The following CDH18 variants were observed in gnomAD, a reference collection of about 807,000 sequenced individuals.
The protein encoded by CDH18 is cadherin 18.
A neutral mutation model predicts 67.9 loss-of-function variants in CDH18; 31 were observed. That is an observed-to-expected ratio of 0.46 (90% CI 0.34 to 0.62). The LOEUF (loss-of-function observed/expected upper bound fraction) is 0.62. Ranked by LOEUF, CDH18 falls within the 20% of genes least tolerant of loss-of-function variation. CDH18 has a pLI of 0.01. For synonymous variants in CDH18, 362 were observed against 347.2 expected (o/e 1.04, Z -0.48); for missense variants, 890 against 975.5 (o/e 0.91, Z 1.17).
At chr5:19,524,512 GAC>G (rs1159586647) in intron 9 of CDH18, among the ~76,000 whole-genome samples, 1 of 151,702 alleles carries the variant, frequency 6.6e-6, no homozygotes, top group East Asian at 1.9e-4. Context: ...AATTGAAATT[GAC>G]ACAGTTTAAA....
intron 1 of CDH18, among the ~76,000 whole-genome samples, chr5:20,414,373 A>C (rs2150148640): frequency 6.6e-6 from 1 of 152,358 alleles, no homozygotes; most frequent in East Asian, 1.9e-4. Context: ...GAAACTGAAA[A>C]TCAAATACTG....
intron 1 of CDH18, among the ~76,000 whole-genome samples, chr5:20,534,204 T>A (rs1756578825): frequency 6.6e-6 from 1 of 152,082 alleles, no homozygotes; most frequent in African/African-American, 2.4e-5. Flanking sequence ...GCTTTGGTAT[T>A]TGAACTACTT....
At chr5:19,617,212 A>G (rs1348876) in intron 5 of CDH18, among the ~76,000 whole-genome samples, 110,195 of 152,084 alleles carry the variant, frequency 0.72, 40,370 homozygotes, top group South Asian at 0.8. Context: ...ACAAATGTAT[A>G]TGTATAGGGA....
At chr5:20,477,214 C>T (rs1196076792) in intron 1 of CDH18, among the ~76,000 whole-genome samples, 1 of 152,050 alleles carries the variant, frequency 6.6e-6, no homozygotes, top group East Asian at 1.9e-4. Context: ...CACACACCCA[C>T]ACACACACGA....
chr5:19,747,357 T>A, intron 3 of CDH18, 121 bp from the exon 4 acceptor site: 1 of 729,594 alleles, frequency 1.4e-6, no homozygotes, highest in Non-Finnish European at 2.2e-6. Flanking sequence ...TACAGTGCCC[T>A]GTGTGTTACT....
intron 1 of CDH18, among the ~76,000 whole-genome samples, chr5:20,406,593 T>C (rs1351333064): frequency 2.0e-5 from 3 of 151,724 alleles, no homozygotes; most frequent in Admixed American, 6.6e-5. Context: ...AAAAGTCCTG[T>C]AGAAAATGAA....
At position 20,553,620 on chromosome 5, in the gene CDH18, C is replaced by T. The variant is rs112213339; in HGVS notation, c.-580+21842G>A. Among the ~76,000 whole-genome samples the T allele has an allele frequency of 4.2e-3, 647 of 152,294 alleles. 5 individuals carry two copies. The highest frequency in any genetic ancestry group is 0.015 in the African/African-American group (603 of 41,570). On this transcript the variant is annotated intron_variant, in intron 1 of 14. Transcript: ENST00000507958. ...ACTACAGATTAGATGTCCCATGTAA[C>T]AGCAGGCTACTCATTGCAGCTAGGA...
At chr5:19,811,650 A>G (rs1044367708) in intron 3 of CDH18, among the ~76,000 whole-genome samples, 4 of 152,232 alleles carry the variant, frequency 2.6e-5, no homozygotes, top group Admixed American at 2.0e-4. Context: ...GAGCCAAGGT[A>G]TATTAGCCAA....
intron 4 of CDH18, among the ~76,000 whole-genome samples, chr5:19,733,917 AGC>A (rs1201481388): frequency 2.0e-5 from 3 of 152,176 alleles, no homozygotes; most frequent in Non-Finnish European, 4.4e-5. Context: ...TGATGCTCAA[AGC>A]AGTTGGCCAG....
At chr5:19,955,496 G>A (rs1796176651) in intron 2 of CDH18, among the ~76,000 whole-genome samples, 1 of 152,012 alleles carries the variant, frequency 6.6e-6, no homozygotes, top group Admixed American at 6.6e-5. Context: ...ATTTATTGTA[G>A]CATGTACTTG....
chr5:20,088,017 G>A (rs545339026), intron 2 of CDH18, among the ~76,000 whole-genome samples: 9 of 152,216 alleles, frequency 5.9e-5, no homozygotes, highest in South Asian at 2.1e-4. Flanking sequence ...GAAAAGAAAC[G>A]TATCACTAGA....
At chr5:20,479,458 T>A (rs959844565) in intron 1 of CDH18, among the ~76,000 whole-genome samples, 1 of 152,116 alleles carries the variant, frequency 6.6e-6, no homozygotes, top group Non-Finnish European at 1.5e-5. Context: ...ATTTTTTAAA[T>A]GAAAAACTTA....
At chr5:19,601,299 A>G (rs776367012) in intron 6 of CDH18, among the ~76,000 whole-genome samples, 8 of 152,212 alleles carry the variant, frequency 5.3e-5, no homozygotes, top group Admixed American at 3.3e-4. Context: ...TTTTACAGAA[A>G]TAAAAGGATT....
At chr5:20,130,966 CAAAG>C (rs1051934060) in intron 2 of CDH18, among the ~76,000 whole-genome samples, 2 of 151,172 alleles carry the variant, frequency 1.3e-5, no homozygotes, top group African/African-American at 4.9e-5. Context: ...TATTGTCAAA[CAAAG>C]AATAATTTAT....
intron 2 of CDH18, among the ~76,000 whole-genome samples, chr5:20,063,481 A>G (rs1196204240): frequency 6.6e-6 from 1 of 152,102 alleles, no homozygotes; most frequent in Admixed American, 6.6e-5. Flanking sequence ...AATCCCAAAG[A>G]ATCAACATTG....
At chr5:19,515,778 C>T (rs978731854) in intron 10 of CDH18, among the ~76,000 whole-genome samples, 8 of 152,088 alleles carry the variant, frequency 5.3e-5, no homozygotes, top group African/African-American at 1.9e-4. Context: ...TCTAAATATA[C>T]AATCATGTCA....
intron 1 of CDH18, among the ~76,000 whole-genome samples, chr5:20,333,078 C>T (rs1409069399): frequency 6.6e-6 from 1 of 151,854 alleles, no homozygotes; most frequent in Non-Finnish European, 1.5e-5. Context: ...CAATATTGAA[C>T]AAAACAATAT....
chr5:19,705,984 T>C (rs1049701521), intron 5 of CDH18, among the ~76,000 whole-genome samples: 31 of 152,208 alleles, frequency 2.0e-4, no homozygotes, highest in Admixed American at 2.0e-3. Flanking sequence ...CTAGTAATGG[T>C]AAAGCTTCTT....
chr5:19,790,761 G>A (rs1776272965), intron 3 of CDH18, among the ~76,000 whole-genome samples: 1 of 152,104 alleles, frequency 6.6e-6, no homozygotes, highest in South Asian at 2.1e-4. Flanking sequence ...GGTGCACAGG[G>A]GAAAGGGGAT....
Sources: allele counts gnomAD v4.1 joint callset (sites outside exome capture counted in the v4.1 genomes callset), GRCh38; gene constraint gnomAD v4.1.1; transcripts MANE v1.5; gene names NCBI Gene and HGNC (gene_info 2026-07-23, HGNC 2026-07-21).